Variants in ZMYM6 observed in about 807,000 individuals in gnomAD.
ZMYM6 encodes the protein zinc finger MYM-type containing 6.
Under a neutral mutation model 134.0 loss-of-function variants are expected in ZMYM6, and 90 were observed. The observed-to-expected ratio is 0.67, with a 90% CI of 0.57 to 0.80. The LOEUF (loss-of-function observed/expected upper bound fraction) is 0.80. Ranked by LOEUF, ZMYM6 falls within the 30% of genes least tolerant of loss-of-function variation. The pLI, the probability that ZMYM6 is intolerant of heterozygous loss-of-function variation, is 0.00. For synonymous variants in ZMYM6, 481 were observed against 524.1 expected (o/e 0.92, Z 1.12); for missense variants, 1,362 against 1,533.9 (o/e 0.89, Z 1.87).
chr1:35,027,750 A>G (rs1405823521), intron 2 of ZMYM6, among the ~76,000 whole-genome samples: 1 of 152,148 alleles, frequency 6.6e-6, no homozygotes, highest in African/African-American at 2.4e-5. Flanking sequence ...AAAGAGAGAG[A>G]GAAATAATGA....
chr1:35,016,186 C>G (rs574196253), intron 4 of ZMYM6, among the ~76,000 whole-genome samples: 7 of 152,104 alleles, frequency 4.6e-5, no homozygotes, highest in African/African-American at 1.7e-4. Context: ...CCTGACCTCG[C>G]GATCCGCCTG....
chr1:35,009,420 T>C (rs1003429961), intron 10 of ZMYM6, among the ~76,000 whole-genome samples: 3 of 152,176 alleles, frequency 2.0e-5, no homozygotes, highest in Non-Finnish European at 2.9e-5. Context: ...CTTTTAAATA[T>C]ACTCTAAATA....
At chr1:35,006,387 C>T (rs1640967312) in intron 12 of ZMYM6, among the ~76,000 whole-genome samples, 1 of 152,202 alleles carries the variant, frequency 6.6e-6, no homozygotes, top group Non-Finnish European at 1.5e-5. Context: ...TCTATCTACT[C>T]ACCTGGATAT....
intron 6 of ZMYM6, chr1:35,012,803 C>T: frequency 1.0e-6 from 1 of 985,224 alleles, no homozygotes; most frequent in Non-Finnish European, 1.2e-6. Flanking sequence ...GAGATCTTAG[C>T]AAACAAAACA....
chr1:35,005,186 A>G lies in ZMYM6; in HGVS notation c.1900T>C (p.Leu634=), dbSNP rs1640944131. 2 of 1,614,096 alleles carry G rather than the reference A, an allele frequency of 1.2e-6. No individual in the cohort carries two copies. The highest frequency in any genetic ancestry group is 1.7e-6 in the Non-Finnish European group (2 of 1,180,034). The part of the protein sequence containing the change: ...TTPVITSVMS[L]AKIPATLSTG... The stretch of plus-strand genomic sequence containing the variant: ...GATAAGGTAGCAGGTATTTTTGCCA[A>G]TGACATCACACTGGTTATAACTGGT... Residue 634 remains leucine, a synonymous_variant, in exon 13 of 16, where the codon TTG becomes CTG. Coordinates refer to ENST00000357182, the MANE Select transcript of ZMYM6 (RefSeq NM_007167.4).
chr1:35,015,247 C>T, intron 4 of ZMYM6, 85 bp from the exon 5 acceptor site: 2 of 1,299,258 alleles, frequency 1.5e-6, no homozygotes, highest in East Asian at 2.5e-5. Flanking sequence ...ATAACACTTA[C>T]TAAGGGCAGG....
intron 11 of ZMYM6, 77 bp downstream of exon 11, chr1:35,008,675 A>G: frequency 6.7e-7 from 1 of 1,501,572 alleles, no homozygotes; most frequent in African/African-American, 1.4e-5. Context: ...TTTTCTTCAC[A>G]TAATTTGAAT....
rs905492245 is a variant in ZMYM6, at chr1:35,007,092, T to C, written c.1672A>G (p.Lys558Glu). The change falls in exon 12 of 16, where the codon AAG (lysine) becomes GAG (glutamate). Residue 558 changes from lysine (K) to glutamate (E), a missense_variant. Coordinates refer to ENST00000357182, the MANE Select transcript of ZMYM6 (RefSeq NM_007167.4). ...CCCTGTCGTTTACAACCATCACACT[T>C]GGCCATCTGAAAAAGAAATGTTAGA... ...KFTVLFYQMA[K>E]CDGCKRQGKL... is the part of the protein sequence containing the mutation. The C allele has an allele frequency of 1.9e-6, 3 of 1,593,798 alleles. No homozygotes were observed. Among genetic ancestry groups the C allele is most frequent in the Non-Finnish European group, 8.5e-7 (1 of 1,172,566 alleles).
rs1362575844 is a variant in ZMYM6 at position 35,014,861 on chromosome 1, C to T, written c.631G>A (p.Val211Met). 5.0e-6 allele frequency: 8 copies of T among 1,613,996 alleles called. No individual in the cohort carries two copies. The highest frequency in any genetic ancestry group is 6.8e-6 in the Non-Finnish European group (8 of 1,180,034). Residue 211 changes from valine (V) to methionine (M), a missense_variant, in exon 6 of 16, where the codon GTG becomes ATG. This residue lies in a region of ZMYM6 where 503 missense variants were observed against 520.8 expected (regional missense o/e 0.97). Coordinates refer to ENST00000357182, the MANE Select transcript of ZMYM6 (RefSeq NM_007167.4). ...DTRFEVKYQN[V>M]VHGLCSDACF... is the part of the protein sequence containing the mutation. Reference sequence around the variant, plus strand: ...GCATCACTACAAAGACCATGTACCACATTTTGATATTTAACTTCAAATCGA... The same window carrying T: ...GCATCACTACAAAGACCATGTACCATATTTTGATATTTAACTTCAAATCGA...
chr1:35,010,182 T>A (rs1386347435), intron 10 of ZMYM6, among the ~76,000 whole-genome samples: 1 of 151,944 alleles, frequency 6.6e-6, no homozygotes, highest in Non-Finnish European at 1.5e-5. Flanking sequence ...GCTAATTTTG[T>A]ATAGAGACGG....
chr1:35,014,538 C>A (rs1313190622), intron 6 of ZMYM6, among the ~76,000 whole-genome samples, 159 bp downstream of exon 6: 1 of 152,210 alleles, frequency 6.6e-6, no homozygotes, highest in Non-Finnish European at 1.5e-5. Flanking sequence ...CCACCACAAT[C>A]ATCCCTCACA....
chr1:35,020,753 A>T (rs1157475162), intron 2 of ZMYM6, among the ~76,000 whole-genome samples: 1 of 151,712 alleles, frequency 6.6e-6, no homozygotes, highest in Admixed American at 6.6e-5. Context: ...TTGTATTTTT[A>T]GTAGAGACAG....
At chr1:35,009,465 A>G (rs947498557) in intron 10 of ZMYM6, among the ~76,000 whole-genome samples, 9 of 150,476 alleles carry the variant, frequency 6.0e-5, no homozygotes, top group African/African-American at 2.0e-4. Context: ...TTAGAGGTAT[A>G]AAAGTTTTTT....
rs201064327 is a variant in ZMYM6 at position 35,010,471 on chromosome 1, C to T, written c.1468G>A (p.Val490Ile). 2 of 1,613,156 alleles carry T rather than the reference C, an allele frequency of 1.2e-6. No individual in the cohort carries two copies. The highest frequency in any genetic ancestry group is 1.7e-6 in the Non-Finnish European group (2 of 1,179,816). ...IIKETVRFSGVDKPFCSEVCK... is the reference protein window; with the variant it reads ...IIKETVRFSGIDKPFCSEVCK... ...CCTTCACTACAGAATGGCTTATCAACCCCTGAGAATCGCACAGTCTCCTTT... is the reference window on the plus strand; with the variant it reads ...CCTTCACTACAGAATGGCTTATCAATCCCTGAGAATCGCACAGTCTCCTTT... Residue 490 changes from valine (V) to isoleucine (I), a missense_variant, in exon 10 of 16, where the codon GTT (valine) becomes ATT (isoleucine). This residue lies in a region of ZMYM6 where 35 missense variants were observed against 72.2 expected (regional missense o/e 0.48). Transcript: ENST00000357182.
chr1:34,988,602 G>C lies in ZMYM6; in HGVS notation c.2480C>G (p.Ser827Ter). The C allele has an allele frequency of 6.4e-7, 1 of 1,550,560 alleles. No homozygotes were observed. Among genetic ancestry groups the C allele is most frequent in the Non-Finnish European group, 8.7e-7 (1 of 1,146,778 alleles). The stretch of plus-strand genomic sequence containing the variant: ...AATTAAATAAGAAGCTTTCACAAGT[G>C]ACTTTTCAACTAGTAAACACTTTTT... ...SLKKCLLVEK[S>*]LVKASYLIAF... Residue 827 changes from serine to a stop codon, truncating the protein, a stop_gained, in exon 16 of 16, where the codon TCA (serine) becomes TGA (stop). Transcript: ENST00000357182. LOFTEE classifies it high-confidence loss of function.
chr1:35,002,412 G>A (rs1222330277), intron 14 of ZMYM6, among the ~76,000 whole-genome samples: 1 of 152,166 alleles, frequency 6.6e-6, no homozygotes, highest in East Asian at 1.9e-4. Flanking sequence ...TGGAGAACCA[G>A]CCATAACTTG....
rs553850215 is a variant in ZMYM6 at position 34,986,759 on chromosome 1, G to C, written c.*345C>G. The C allele has an allele frequency of 7.6e-4, 121 of 159,234 alleles. No homozygotes were observed. Among genetic ancestry groups the C allele is most frequent in the Non-Finnish European group, 1.5e-3 (109 of 73,118 alleles). 9.9% of individuals were successfully genotyped at this position (159,234 alleles called of 1,614,324 possible). ...CCTACTCACAACCTTGCAGGGGTAA[G>C]TAGCTGGTTGGCTAGAAGACTGAAA... is the stretch of plus-strand genomic sequence containing the variant. On this transcript the variant is annotated 3_prime_UTR_variant, in exon 16 of 16. Coordinates refer to ENST00000357182, the MANE Select transcript of ZMYM6 (RefSeq NM_007167.4).
chr1:35,015,743 A>AATATATATAT (rs35800399), intron 4 of ZMYM6, among the ~76,000 whole-genome samples: 56 of 106,402 alleles, frequency 5.3e-4, no homozygotes, highest in African/African-American at 3.3e-3. Flanking sequence ...AAAAAAAAAA[A>AATATATATAT]ATATATATAT....
chr1:35,020,609 G>C, intron 2 of ZMYM6, 142 bp from the exon 3 acceptor site: 1 of 639,684 alleles, frequency 1.6e-6, no homozygotes. Context: ...GTCTCACTTG[G>C]GTGCCCAGGC....
Sources: allele counts gnomAD v4.1 joint callset (sites outside exome capture counted in the v4.1 genomes callset), GRCh38; gene constraint gnomAD v4.1.1; regional missense constraint gnomAD v4.1.1; transcripts MANE v1.5; gene names NCBI Gene and HGNC (gene_info 2026-07-23, HGNC 2026-07-21).